JAG1: variants seen among roughly 807,000 people sequenced by gnomAD.
JAG1 encodes jagged canonical Notch ligand 1.
Under a neutral mutation model 148.7 loss-of-function variants are expected in JAG1, and 23 were observed. That is an observed-to-expected ratio of 0.15 (90% CI 0.11 to 0.22). The LOEUF (loss-of-function observed/expected upper bound fraction) is 0.22, where lower values mean the gene tolerates loss of function less well. Among genes scored for constraint, JAG1 ranks in the 10% least tolerant of loss-of-function variants. The pLI, the probability that JAG1 is intolerant of heterozygous loss-of-function variation, is 1.00. For synonymous variants in JAG1, 572 were observed against 598.3 expected, an observed-to-expected ratio of 0.96 and a Z score of 0.64; for missense variants, 1,054 against 1,611.2, an observed-to-expected ratio of 0.65 and a Z score of 5.92.
intron 5 of JAG1, among the ~76,000 whole-genome samples, chr20:10,653,239 T>C (rs2067358077): frequency 6.7e-6 from 1 of 150,068 alleles, no homozygotes; most frequent in East Asian, 2.0e-4. Context: ...CATTACTGTG[T>C]GCTAATTTAT....
intron 5 of JAG1, among the ~76,000 whole-genome samples, chr20:10,656,041 A>C (rs2067376676): frequency 6.6e-6 from 1 of 152,168 alleles, no homozygotes. Context: ...TGGGAGAAGA[A>C]AGCCTTGGTG....
chr20:10,650,123 A>C, intron 9 of JAG1, 124 bp downstream of exon 9: 1 of 717,746 alleles, frequency 1.4e-6, no homozygotes, highest in Non-Finnish European at 2.5e-6. Context: ...TCTTGATAAT[A>C]AATTACTTCT....
intron 3 of JAG1, among the ~76,000 whole-genome samples, chr20:10,663,692 A>C (rs2067432716): frequency 6.6e-6 from 1 of 152,248 alleles, no homozygotes; most frequent in Admixed American, 6.5e-5. Flanking sequence ...TAAAACCATT[A>C]AGATCTCTAT....
chr20:10,655,559 T>A (rs2067373105), intron 5 of JAG1, among the ~76,000 whole-genome samples: 1 of 152,106 alleles, frequency 6.6e-6, no homozygotes, highest in Non-Finnish European at 1.5e-5. Context: ...GACATACTGG[T>A]TTAGACTATG....
chr20:10,639,796 T>G lies in JAG1; in HGVS notation c.3359A>C (p.Asn1120Thr). The G allele has an allele frequency of 6.2e-7, 1 of 1,614,160 alleles. No homozygotes were observed. The highest frequency in any genetic ancestry group is 2.2e-5 in the East Asian group (1 of 44,866). ...NTTNNVREQL[N>T]QIKNPIEKHG... ...TTTCTCAATGGGGTTTTTGATCTGG[T>G]TCAGCTGCTCCCGCACGTTGTTGGT... The change falls in exon 26 of 26, where the codon AAC (asparagine) becomes ACC (threonine). Residue 1120 changes from asparagine to threonine, a missense_variant. Around this residue, in one of 6 missense-constraint regions of JAG1, gnomAD observed 177 missense variants for 177.3 expected, o/e 1.00. Transcript: ENST00000254958.
chr20:10,657,172 C>A (rs1168263624), intron 4 of JAG1, among the ~76,000 whole-genome samples: 1 of 152,082 alleles, frequency 6.6e-6, no homozygotes, highest in Non-Finnish European at 1.5e-5. Flanking sequence ...TCGAGACCAG[C>A]CTCAACAACA....
intron 5 of JAG1, among the ~76,000 whole-genome samples, chr20:10,654,140 C>T (rs2067363592): frequency 6.6e-6 from 1 of 152,174 alleles, no homozygotes; most frequent in African/African-American, 2.4e-5. Flanking sequence ...GCAATATTCT[C>T]ACCGTCTTCC....
chr20:10,647,699 C>T (rs2067318725), intron 13 of JAG1, among the ~76,000 whole-genome samples: 1 of 152,206 alleles, frequency 6.6e-6, no homozygotes, highest in Non-Finnish European at 1.5e-5. Flanking sequence ...CAGCGTTGCA[C>T]ATCAGCCCAC....
intron 3 of JAG1, among the ~76,000 whole-genome samples, chr20:10,659,384 G>A (rs1166022547): frequency 6.6e-6 from 1 of 152,160 alleles, no homozygotes; most frequent in Admixed American, 6.5e-5. Flanking sequence ...ACTTGCAAGT[G>A]CTCTTTACAT....
At chr20:10,666,863 A>C (rs1324586477) in intron 2 of JAG1, among the ~76,000 whole-genome samples, 1 of 152,188 alleles carries the variant, frequency 6.6e-6, no homozygotes, top group Non-Finnish European at 1.5e-5. Context: ...CTGGCATCAA[A>C]GCCCCAAGGC....
chr20:10,665,925 A>G (rs2067450817), intron 2 of JAG1, among the ~76,000 whole-genome samples: 1 of 152,212 alleles, frequency 6.6e-6, no homozygotes, highest in South Asian at 2.1e-4. Flanking sequence ...CATCCTCGCC[A>G]GAACTGGGAA....
intron 4 of JAG1, among the ~76,000 whole-genome samples, chr20:10,658,072 A>G (rs933496943): frequency 6.6e-6 from 1 of 152,222 alleles, no homozygotes; most frequent in African/African-American, 2.4e-5. Flanking sequence ...GTCTGATTTC[A>G]GCCTAATCCC....
intron 5 of JAG1, among the ~76,000 whole-genome samples, chr20:10,653,577 AGGG>A (rs2067360109): frequency 6.4e-5 from 1 of 15,518 alleles, no homozygotes. Context: ...TGGAGCGTGG[AGGG>A]TGGAGGGTGG....
At chr20:10,640,170 C>G (rs2067260589) in intron 25 of JAG1, among the ~76,000 whole-genome samples, 1 of 152,184 alleles carries the variant, frequency 6.6e-6, no homozygotes, top group Non-Finnish European at 1.5e-5. Context: ...TACTCTTATC[C>G]CTGGAGAGAC....
Position 10,658,849 on chromosome 20 carries a change from A to C in JAG1, c.440-127T>G, listed in dbSNP as rs540267625. 25 of 1,071,940 alleles carry C rather than the reference A, an allele frequency of 2.3e-5. No homozygotes were observed. The South Asian group carries it at 3.5e-4, about 15-fold the overall frequency. 66.4% of individuals were successfully genotyped at this position (1,071,940 alleles called of 1,614,324 possible). A position where few individuals can be genotyped will look rare whatever the true frequency, so the allele number is the denominator to read the frequency against. Reference sequence around the variant, plus strand: ...TCTATCTGTTGTAAAAAAGGCAAAGAAATGAAAAGTTTATGCCCCTACCCA... The same window carrying C: ...TCTATCTGTTGTAAAAAAGGCAAAGCAATGAAAAGTTTATGCCCCTACCCA... On this transcript the variant is annotated intron_variant, in intron 3 of 25. Coordinates refer to ENST00000254958, the MANE Select transcript of JAG1 (RefSeq NM_000214.3).
intron 8 of JAG1, chr20:10,650,616 G>T: frequency 2.0e-6 from 1 of 497,976 alleles, no homozygotes; most frequent in Non-Finnish European, 3.7e-6. Context: ...TACTGACGGA[G>T]CATCCGCCCA....
chr20:10,649,244 C>G (rs1018103044), intron 10 of JAG1, 137 bp from the exon 11 acceptor site: 5 of 701,088 alleles, frequency 7.1e-6, no homozygotes, highest in African/African-American at 1.8e-5. Flanking sequence ...AAGGTTATTA[C>G]GCTGGGTGGG....
chr20:10,672,846 T>A lies in JAG1; in HGVS notation c.242A>T (p.Glu81Val), dbSNP rs1211897552. The change falls in exon 2 of 26, where the codon GAG becomes GTG. Residue 81 changes from glutamate to valine, a missense_variant. By Grantham distance (121) the Glu-to-Val change is moderately radical. Coordinates refer to ENST00000254958, the MANE Select transcript of JAG1 (RefSeq NM_000214.3). ...CDTYFKVCLK[E>V]YQSRVTAGGP... is the part of the protein sequence containing the mutation. The stretch of plus-strand genomic sequence containing the variant: ...CCCGGCCGTGACGCGGGACTGATAC[T>A]CCTTGAGGCACACTTTGAAGTATGT... 6.2e-7 allele frequency: 1 copy of A among 1,613,078 alleles called. No homozygotes were observed. The highest frequency in any genetic ancestry group is 8.5e-7 in the Non-Finnish European group (1 of 1,180,032).
In JAG1 at chr20:10,650,281, G is replaced by A. The variant is rs1165401643; in HGVS notation, c.1200C>T (p.Cys400=). ...QDLVNGFKCV[C]PPQWTGKTCQ... ...ACGTTTTCCCAGTCCACTGTGGGGG[G>A]CACACACACTTAAATCCGTTAACCA... is the stretch of plus-strand genomic sequence containing the variant. Residue 400 remains cysteine, a synonymous_variant, in exon 9 of 26, where the codon TGC becomes TGT. Coordinates refer to ENST00000254958, the MANE Select transcript of JAG1 (RefSeq NM_000214.3). 3.7e-6 allele frequency: 6 copies of A among 1,613,586 alleles called. No homozygotes were observed. The highest frequency in any genetic ancestry group is 4.2e-6 in the Non-Finnish European group (5 of 1,179,592).
Sources: allele counts gnomAD v4.1 joint callset (sites outside exome capture counted in the v4.1 genomes callset), GRCh38; gene constraint gnomAD v4.1.1; regional missense constraint gnomAD v4.1.1; transcripts MANE v1.5; gene names NCBI Gene and HGNC (gene_info 2026-07-23, HGNC 2026-07-21).